The following SLC6A6 variants were observed in gnomAD, a reference collection of about 807,000 sequenced individuals.
SLC6A6 encodes the protein solute carrier family 6 member 6, also known as sodium- and chloride-dependent taurine transporter.
SLC6A6 carries 16 observed loss-of-function variants against 68.8 expected under a neutral mutation model. The ratio of observed to expected loss-of-function variants is 0.23; its 90% CI spans 0.16 to 0.35. The LOEUF is 0.35. SLC6A6 is among the 10% of genes least tolerant of loss of function. The pLI, the probability that SLC6A6 is intolerant of heterozygous loss-of-function variation, is 1.00. For synonymous variants in SLC6A6, 312 were observed against 315.4 expected (o/e 0.99, Z 0.12); for missense variants, 474 against 802.8 (o/e 0.59, Z 4.95).
chr3:14,435,999 A>G (rs1007255676), intron 2 of SLC6A6, among the ~76,000 whole-genome samples: 6 of 152,138 alleles, frequency 3.9e-5, no homozygotes, highest in African/African-American at 1.4e-4. Context: ...GAGGCTTTGG[A>G]GCTCGCCACG....
intron 2 of SLC6A6, among the ~76,000 whole-genome samples, chr3:14,437,552 A>G (rs563615360): frequency 6.6e-6 from 1 of 152,254 alleles, no homozygotes. Context: ...TATGTTGTAG[A>G]ATGACTGGAT....
chr3:14,469,251 A>G lies in SLC6A6; in HGVS notation c.1096+1039A>G, dbSNP rs540532306. Among the ~76,000 whole-genome samples, 9 of 151,610 alleles carry G rather than the reference A, an allele frequency of 5.9e-5. No homozygotes were observed. In the East Asian group the frequency reaches 1.4e-3, roughly 23 times the overall value. On this transcript the variant is annotated intron_variant, in intron 9 of 14. Transcript: ENST00000622186. ...CCCGTCCATGTCCTAATTTCATACA[A>G]CTTCCCTGGGGCTACCTGGAGGTGG...
At chr3:14,421,556 A>G (rs571905783) in intron 2 of SLC6A6, among the ~76,000 whole-genome samples, 7 of 152,194 alleles carry the variant, frequency 4.6e-5, no homozygotes, top group Non-Finnish European at 1.0e-4. Flanking sequence ...TTCTTCAATA[A>G]ATGAAGTTAA....
In SLC6A6 at chr3:14,478,418, T is replaced by C. The variant is rs1700931764; in HGVS notation, c.1348-48T>C. On this transcript the variant is annotated intron_variant, in intron 11 of 14. Transcript: ENST00000622186. ...CAGAGCTCTTTGTATATGAAAGAAATTGGAGACCAGGTAGGAAATCGACCT... is the reference window on the plus strand; with the variant it reads ...CAGAGCTCTTTGTATATGAAAGAAACTGGAGACCAGGTAGGAAATCGACCT... 6.9e-6 allele frequency: 8 copies of C among 1,154,440 alleles called. No homozygotes were observed. The East Asian group carries it at 1.9e-4, about 27-fold the overall frequency. 71.5% of individuals were successfully genotyped at this position (1,154,440 alleles called of 1,614,324 possible). A position where few individuals can be genotyped will look rare whatever the true frequency, so the allele number is the denominator to read the frequency against.
chr3:14,459,460 C>G (rs989017799), intron 6 of SLC6A6, among the ~76,000 whole-genome samples: 3 of 152,190 alleles, frequency 2.0e-5, no homozygotes, highest in Admixed American at 6.5e-5. Context: ...CTGTGCACCC[C>G]CCTCCAACAC....
In SLC6A6 at chr3:14,468,217, G is replaced by A. The variant is rs1559310074; in HGVS notation, c.1096+5G>A. ...TTGCTGATGTGGCTGAGTCAGGTAC[G>A]GTGGTATCGGTGGCAGTGGTGGTGG... On this transcript the variant is annotated splice_donor_5th_base_variant and intron_variant, in intron 9 of 14. Coordinates refer to ENST00000622186, the MANE Select transcript of SLC6A6 (RefSeq NM_003043.6). The surrounding 1 kb of genome is among the most constrained non-coding windows in gnomAD (Gnocchi z 4.5). 1.9e-6 allele frequency: 3 copies of A among 1,611,424 alleles called. No homozygotes were observed. The highest frequency in any genetic ancestry group is 2.2e-5 in the East Asian group (1 of 44,842).
At chr3:14,446,481 CT>C (rs1700123653) in intron 4 of SLC6A6, among the ~76,000 whole-genome samples, 1 of 152,156 alleles carries the variant, frequency 6.6e-6, no homozygotes, top group Non-Finnish European at 1.5e-5. Context: ...TGGCAGGAAT[CT>C]ATGGAAGTGC....
At position 14,415,712 on chromosome 3, in the gene SLC6A6, A is replaced by ACC. The variant is rs535564149; in HGVS notation, c.-53-694_-53-693dup. 7.7e-3 allele frequency among the ~76,000 whole-genome samples: 1,143 copies of ACC among 148,694 alleles called. 7 individuals are homozygous for ACC. Among genetic ancestry groups the ACC allele is most frequent in the Admixed American group, 0.012 (180 of 14,900 alleles). On this transcript the variant is annotated intron_variant, in intron 1 of 14. Coordinates refer to ENST00000622186, the MANE Select transcript of SLC6A6 (RefSeq NM_003043.6). ...AGCTTCTACTGAAAAAGACAACAGAACCCCCCCGCTCCAAAAAAAGTCTTC... is the reference window on the plus strand; with the variant it reads ...AGCTTCTACTGAAAAAGACAACAGAACCCCCCCCCGCTCCAAAAAAAGTCTTC...
At chr3:14,465,290 A>G (rs7632925) in intron 6 of SLC6A6, among the ~76,000 whole-genome samples, 33,291 of 152,124 alleles carry the variant, frequency 0.22, 3,875 homozygotes, top group East Asian at 0.39. Context: ...AGATGGCCAC[A>G]TCGTTTCTAG....
chr3:14,403,243 G>C (rs1370365522), intron 1 of SLC6A6, among the ~76,000 whole-genome samples: 1 of 152,100 alleles, frequency 6.6e-6, no homozygotes, highest in Non-Finnish European at 1.5e-5. Context: ...GTGTGTTCCG[G>C]TGCATGTCTG....
intron 2 of SLC6A6, among the ~76,000 whole-genome samples, chr3:14,433,932 A>G (rs2124928243): frequency 6.6e-6 from 1 of 152,306 alleles, no homozygotes; most frequent in Non-Finnish European, 1.5e-5. Flanking sequence ...CTTTTAGCCA[A>G]AAGCGTTGAG....
At chr3:14,411,899 G>A (rs1245476942) in intron 1 of SLC6A6, among the ~76,000 whole-genome samples, 4 of 152,188 alleles carry the variant, frequency 2.6e-5, no homozygotes, top group Non-Finnish European at 4.4e-5. Flanking sequence ...GGCTATGGAC[G>A]TCAGACAAAA....
At chr3:14,480,408 A>T (rs1700980162) in intron 13 of SLC6A6, among the ~76,000 whole-genome samples, 1 of 152,212 alleles carries the variant, frequency 6.6e-6, no homozygotes, top group Non-Finnish European at 1.5e-5. Flanking sequence ...CGTCAGAGAT[A>T]GGCTGCATTC....
chr3:14,475,277 C>G (rs1700849512), intron 10 of SLC6A6, among the ~76,000 whole-genome samples: 1 of 152,052 alleles, frequency 6.6e-6, no homozygotes. Context: ...GGTGATCTGC[C>G]TGCCTTGGCC....
chr3:14,450,292 CG>C lies in SLC6A6; in HGVS notation c.599+2481del, dbSNP rs1559301768. ...ACACCTTCCAGAGGGACCGGGCCCT[CG>C]GGGGTATTCTGGGACCCTTGCCTTC... On this transcript the variant is annotated intron_variant, in intron 5 of 14. Transcript: ENST00000622186. This position sits in a 1 kb window ranked among gnomAD's most constrained non-coding sequence, Gnocchi z 4.1. 6.6e-6 allele frequency among the ~76,000 whole-genome samples: 1 copy of C among 152,090 alleles called. No individual in the cohort carries two copies. The highest frequency in any genetic ancestry group is 1.5e-5 in the Non-Finnish European group (1 of 68,020).
At chr3:14,425,613 A>G (rs564779906) in intron 2 of SLC6A6, among the ~76,000 whole-genome samples, 2 of 145,420 alleles carry the variant, frequency 1.4e-5, no homozygotes, top group Non-Finnish European at 3.0e-5. Flanking sequence ...CAGGCTGTAC[A>G]TGGGAGAATA....
chr3:14,415,842 A>C (rs926441801), intron 1 of SLC6A6, among the ~76,000 whole-genome samples: 1 of 152,140 alleles, frequency 6.6e-6, no homozygotes, highest in African/African-American at 2.4e-5. Flanking sequence ...ACATCCCCCA[A>C]GGATCTTCTC....
chr3:14,468,666 G>A lies in SLC6A6; in HGVS notation c.1096+454G>A, dbSNP rs1274534073. On this transcript the variant is annotated intron_variant, in intron 9 of 14. Transcript: ENST00000622186. The surrounding 1 kb of genome is among the most constrained non-coding windows in gnomAD (Gnocchi z 4.5). Reference sequence around the variant, plus strand: ...AGCAGACGCATTCATCCATCCCACCGATTTCTCGTGAATGAGTCCCAACTC... The same window carrying A: ...AGCAGACGCATTCATCCATCCCACCAATTTCTCGTGAATGAGTCCCAACTC... 6.6e-6 allele frequency among the ~76,000 whole-genome samples: 1 copy of A among 152,112 alleles called. No homozygotes were observed. Among genetic ancestry groups the A allele is most frequent in the Non-Finnish European group, 1.5e-5 (1 of 68,036 alleles).
intron 1 of SLC6A6, among the ~76,000 whole-genome samples, chr3:14,406,170 C>T (rs990282335): frequency 6.6e-5 from 10 of 152,076 alleles, no homozygotes; most frequent in Non-Finnish European, 7.4e-5. Flanking sequence ...GGGAGGGGGG[C>T]GTTTTATTTT....
Sources: allele counts gnomAD v4.1 joint callset (sites outside exome capture counted in the v4.1 genomes callset), GRCh38; gene constraint gnomAD v4.1.1; non-coding constraint Gnocchi (gnomAD v3.1); transcripts MANE v1.5; gene names NCBI Gene and HGNC (gene_info 2026-07-23, HGNC 2026-07-21).